The following CNTLN variants were observed in gnomAD, a reference collection of about 807,000 sequenced individuals.
CNTLN encodes the protein centlein.
Under a neutral mutation model 180.0 loss-of-function variants are expected in CNTLN, and 212 were observed. That is an observed-to-expected ratio of 1.18 (90% CI 1.05 to 1.32). CNTLN has a LOEUF of 1.32. CNTLN is among the 40% of genes most tolerant of loss of function. CNTLN has a pLI of 0.00. For missense variants in CNTLN, 2,095 were observed against 1,610.9 expected, an observed-to-expected ratio of 1.30 and a Z score of -5.14; for synonymous variants, 722 against 563.1, an observed-to-expected ratio of 1.28 and a Z score of -3.99.
chr9:17,396,623 T>G lies in CNTLN; in HGVS notation c.2615+1554T>G, dbSNP rs186553042. Among the ~76,000 whole-genome samples the G allele has an allele frequency of 3.1e-3, 465 of 152,298 alleles. 1 individual carries two copies. The highest frequency in any genetic ancestry group is 0.014 in the Middle Eastern group (4 of 294). The stretch of plus-strand genomic sequence containing the variant: ...ACAGACATAGAACTGAAAATTACCT[T>G]AAAATGTGGTCCCCAAACTTGTTTG... On this transcript the variant is annotated intron_variant, in intron 15 of 25. Transcript: ENST00000380647.
At chr9:17,151,464 AT>A (rs1278746315) in intron 2 of CNTLN, among the ~76,000 whole-genome samples, 7 of 152,134 alleles carry the variant, frequency 4.6e-5, no homozygotes, top group Admixed American at 1.3e-4. Context: ...GATTACATTT[AT>A]TGATTTGCAT....
chr9:17,507,653 CT>C (rs895036953), downstream of CNTLN, among the ~76,000 whole-genome samples: 5 of 152,052 alleles, frequency 3.3e-5, no homozygotes, highest in East Asian at 3.9e-4. Context: ...ATAAAAATGA[CT>C]TTTTTGTTGC....
the CNTLN span, among the ~76,000 whole-genome samples, chr9:17,522,637 G>A: frequency 6.6e-6 from 1 of 151,894 alleles, no homozygotes; most frequent in Non-Finnish European, 1.5e-5. Context: ...AGCAGACTTG[G>A]CTGGCACACA....
chr9:17,274,072 A>G (rs1286238516), intron 6 of CNTLN, among the ~76,000 whole-genome samples: 2 of 152,108 alleles, frequency 1.3e-5, no homozygotes, highest in South Asian at 2.1e-4. Flanking sequence ...TTGGACGAGC[A>G]TGGTCAAGGG....
At chr9:17,406,232 G>C (rs1564077841) in intron 15 of CNTLN, among the ~76,000 whole-genome samples, 1 of 151,706 alleles carries the variant, frequency 6.6e-6, no homozygotes, top group South Asian at 2.1e-4. Context: ...GATTTCTTTA[G>C]AAAAATATCC....
chr9:17,528,512 A>T, the CNTLN span, among the ~76,000 whole-genome samples: 1 of 152,364 alleles, frequency 6.6e-6, no homozygotes, highest in Non-Finnish European at 1.5e-5. Context: ...ACCCGAAAGG[A>T]CACTGAGGAG....
chr9:17,527,430 C>T, the CNTLN span, among the ~76,000 whole-genome samples: 1 of 152,350 alleles, frequency 6.6e-6, no homozygotes, highest in East Asian at 1.9e-4. Flanking sequence ...GAAGCTCTCA[C>T]TGTGCTCTAG....
At chr9:17,385,703 T>C (rs144808820) in intron 13 of CNTLN, among the ~76,000 whole-genome samples, 1 of 152,334 alleles carries the variant, frequency 6.6e-6, no homozygotes, top group East Asian at 1.9e-4. Flanking sequence ...TATAGACTTT[T>C]TATCTTGTTA....
chr9:17,346,203 A>G (rs1821877438), intron 12 of CNTLN, among the ~76,000 whole-genome samples: 2 of 152,100 alleles, frequency 1.3e-5, no homozygotes, highest in Non-Finnish European at 2.9e-5. Context: ...AAGGGGGAAG[A>G]GTCCCATATA....
rs748020747 is a variant in CNTLN at position 17,416,086 on chromosome 9, CA to C, written c.3012del (p.Ala1005GlnfsTer33). 1.2e-6 allele frequency: 2 copies of C among 1,613,542 alleles called. No individual in the cohort carries two copies. The highest frequency in any genetic ancestry group is 1.3e-5 in the African/African-American group (1 of 74,978). On this transcript the variant is annotated frameshift_variant, in exon 18 of 26. Transcript: ENST00000380647. LOFTEE classifies it high-confidence loss of function. ...QNSVLQNAKK[T>X]AELSVKEYKE... is the part of the protein sequence containing the mutation. ...AGTGTACTTCAGAATGCCAAGAAAA[CA>C]GCAGAATTGTCTGTTAAAGAATATA...
At chr9:17,298,452 C>G (rs1818109093) in intron 7 of CNTLN, 100 bp downstream of exon 7, 1 of 1,352,376 alleles carries the variant, frequency 7.4e-7, no homozygotes, top group Non-Finnish European at 9.6e-7. Context: ...TTAATTTTTA[C>G]TTCCTTTTAC....
At chr9:17,366,562 AT>A (rs1359483257) in intron 12 of CNTLN, 54 bp from the exon 13 acceptor site, 7 of 845,036 alleles carry the variant, frequency 8.3e-6, no homozygotes, top group South Asian at 1.6e-5. Flanking sequence ...TATATGTTTG[AT>A]TTTTTTAAAT....
chr9:17,441,167 A>C (rs1203320036), intron 18 of CNTLN, among the ~76,000 whole-genome samples: 2 of 152,228 alleles, frequency 1.3e-5, no homozygotes, highest in Non-Finnish European at 2.9e-5. Context: ...AAACAAAAGT[A>C]GAGGGACTTC....
chr9:17,215,945 G>C (rs961177323), intron 2 of CNTLN, among the ~76,000 whole-genome samples: 2 of 152,090 alleles, frequency 1.3e-5, no homozygotes, highest in Non-Finnish European at 2.9e-5. Context: ...CCAGGTGCTG[G>C]TTGTCACAGC....
chr9:17,398,853 C>T lies in CNTLN; in HGVS notation c.2615+3784C>T, dbSNP rs993124621. Among the ~76,000 whole-genome samples, 6 of 152,180 alleles carry T rather than the reference C, an allele frequency of 3.9e-5. 1 individual carries two copies. The highest frequency in any genetic ancestry group is 7.3e-5 in the Non-Finnish European group (5 of 68,042). On this transcript the variant is annotated intron_variant, in intron 15 of 25. Coordinates refer to ENST00000380647, the MANE Select transcript of CNTLN (RefSeq NM_017738.4). ...CAAACTGAAGCCAGTTCAGAAAAAG[C>T]AGTTACAAGAAAAGCTCTCTTATCT... is the stretch of plus-strand genomic sequence containing the variant.
chr9:17,432,090 C>G (rs2133985442), intron 18 of CNTLN, among the ~76,000 whole-genome samples: 1 of 151,622 alleles, frequency 6.6e-6, no homozygotes, highest in Non-Finnish European at 1.5e-5. Flanking sequence ...TGTGAGAGAC[C>G]CAGTACTTTG....
Position 17,342,357 on chromosome 9 carries a change from C to A in CNTLN, c.1799C>A (p.Pro600His). 6.2e-7 allele frequency: 1 copy of A among 1,611,950 alleles called. No individual in the cohort carries two copies. The highest frequency in any genetic ancestry group is 8.5e-7 in the Non-Finnish European group (1 of 1,179,172). ...TEIRKIKRADPQQLRQEDSDA... is the reference protein window; with the variant it reads ...TEIRKIKRADHQQLRQEDSDA... ...ATCAGGAAAATAAAGAGAGCAGATC[C>A]CCAACAACTTCGACAAGAAGATTCT... The change falls in exon 12 of 26, where the codon CCC (proline) becomes CAC (histidine). Residue 600 changes from proline (P) to histidine (H), a missense_variant. Pro to His is a moderately conservative substitution (Grantham distance 77). Coordinates refer to ENST00000380647, the MANE Select transcript of CNTLN (RefSeq NM_017738.4).
intron 6 of CNTLN, among the ~76,000 whole-genome samples, chr9:17,289,391 T>A (rs1415324207): frequency 9.1e-6 from 1 of 109,990 alleles, no homozygotes; most frequent in Non-Finnish European, 1.7e-5. Context: ...GTTAGTCTGA[T>A]GGGCTTCCCT....
At chr9:17,146,978 T>C (rs1225955512) in intron 2 of CNTLN, among the ~76,000 whole-genome samples, 1 of 152,194 alleles carries the variant, frequency 6.6e-6, no homozygotes, top group African/African-American at 2.4e-5. Flanking sequence ...AATTTCCTTG[T>C]CTTTCTCTTT....
Sources: allele counts gnomAD v4.1 joint callset (sites outside exome capture counted in the v4.1 genomes callset), GRCh38; gene constraint gnomAD v4.1.1; transcripts MANE v1.5; gene names NCBI Gene and HGNC (gene_info 2026-07-23, HGNC 2026-07-21).